Variants in AHCYL2 observed in about 807,000 individuals in gnomAD.
AHCYL2 encodes the protein S-adenosylhomocysteine hydrolase-like protein 2.
AHCYL2 carries 28 observed loss-of-function variants against 81.4 expected under a neutral mutation model. That is an observed-to-expected ratio of 0.34 (90% confidence interval 0.25 to 0.47). AHCYL2 has a LOEUF of 0.47. AHCYL2 is among the 20% of genes least tolerant of loss of function. AHCYL2 has a pLI of 1.00. For missense variants in AHCYL2, 551 were observed against 785.1 expected (o/e 0.70, Z 3.56); for synonymous variants, 272 against 290.2 (o/e 0.94, Z 0.64).
chr7:129,391,765 G>C (rs747588058), intron 4 of AHCYL2, among the ~76,000 whole-genome samples: 1 of 152,188 alleles, frequency 6.6e-6, no homozygotes, highest in Non-Finnish European at 1.5e-5. Context: ...TCCTGATTAA[G>C]AACATTAGAG....
intron 1 of AHCYL2, among the ~76,000 whole-genome samples, chr7:129,253,310 T>C (rs962489988): frequency 2.0e-5 from 3 of 152,136 alleles, no homozygotes; most frequent in Admixed American, 6.5e-5. Context: ...CTTAGGAAGA[T>C]TGGGACCTTG....
At chr7:129,340,840 A>T (rs1793153548) in intron 1 of AHCYL2, among the ~76,000 whole-genome samples, 1 of 151,744 alleles carries the variant, frequency 6.6e-6, no homozygotes, top group Non-Finnish European at 1.5e-5. Context: ...ATGTTTAATC[A>T]CTCTTGAATA....
chr7:129,424,532 A>C (rs1461009868), intron 13 of AHCYL2, among the ~76,000 whole-genome samples: 2 of 152,230 alleles, frequency 1.3e-5, no homozygotes, highest in African/African-American at 4.8e-5. Context: ...CTTTAAAAGA[A>C]ATGCCGATCC....
intron 1 of AHCYL2, among the ~76,000 whole-genome samples, chr7:129,286,291 C>T (rs71577849): frequency 0.025 from 3,752 of 152,082 alleles, 77 homozygotes; most frequent in Admixed American, 0.058. Context: ...TGCTCTGTTG[C>T]CCAGGCTGGA....
intron 1 of AHCYL2, among the ~76,000 whole-genome samples, chr7:129,255,919 G>T (rs541115064): frequency 6.6e-6 from 1 of 151,972 alleles, no homozygotes; most frequent in East Asian, 1.9e-4. Context: ...AGCTGAGATT[G>T]CACCATTACA....
At position 129,303,093 on chromosome 7, in the gene AHCYL2, G is replaced by A. The variant is rs150857400; in HGVS notation, c.364-76545G>A. 1.2e-3 allele frequency among the ~76,000 whole-genome samples: 177 copies of A among 152,162 alleles called. 1 individual carries two copies. The East Asian group carries it at 0.028, about 24-fold the overall frequency. ...TTGGCTCACCGCAACCTCTGCCTCC[G>A]GGGTTCAAGTAATTCCCCTGCTTCA... On this transcript the variant is annotated intron_variant, in intron 1 of 16. Coordinates refer to ENST00000325006, the MANE Select transcript of AHCYL2 (RefSeq NM_015328.4).
rs61542827 is a variant in AHCYL2 at position 129,308,165 on chromosome 7, C to T, written c.364-71473C>T. On this transcript the variant is annotated intron_variant, in intron 1 of 16. Transcript: ENST00000325006. ...AAGCCCAGCACAGCACTAGGACTTG[C>T]CCAGGAGTTGTAGTCCTAGTGGCCT... Among the ~76,000 whole-genome samples, 6 of 152,204 alleles carry T rather than the reference C, an allele frequency of 3.9e-5. No homozygotes were observed. The East Asian group carries it at 1.2e-3, about 29-fold the overall frequency.
At chr7:129,235,976 C>G (rs1015118637) in intron 1 of AHCYL2, among the ~76,000 whole-genome samples, 1 of 148,378 alleles carries the variant, frequency 6.7e-6, no homozygotes. Context: ...AAGTGTTTCT[C>G]TAGGATCAAT....
intron 1 of AHCYL2, among the ~76,000 whole-genome samples, chr7:129,230,484 G>A (rs2566875): frequency 0.94 from 142,948 of 152,174 alleles, 67,776 homozygotes; most frequent in East Asian, 1. Context: ...AAGGTTACAC[G>A]GTAATGTGAT....
intron 1 of AHCYL2, among the ~76,000 whole-genome samples, chr7:129,276,479 A>G (rs545169294): frequency 2.0e-5 from 3 of 151,888 alleles, no homozygotes; most frequent in African/African-American, 4.8e-5. Flanking sequence ...GGCTGGGCAC[A>G]GTGGCTCATG....
chr7:129,422,332 C>T (rs1419998304), intron 12 of AHCYL2, among the ~76,000 whole-genome samples: 2 of 152,192 alleles, frequency 1.3e-5, no homozygotes, highest in Non-Finnish European at 2.9e-5. Flanking sequence ...GAACCTTGGG[C>T]CCCAGCATGC....
intron 3 of AHCYL2, 56 bp from the exon 4 acceptor site, chr7:129,389,578 C>T: frequency 7.1e-7 from 1 of 1,412,802 alleles, no homozygotes; most frequent in Admixed American, 2.1e-5. Context: ...TCTGTTTGTT[C>T]TTTTATCTCT....
chr7:129,340,564 T>C (rs1793142459), intron 1 of AHCYL2, among the ~76,000 whole-genome samples: 1 of 145,258 alleles, frequency 6.9e-6, no homozygotes, highest in South Asian at 2.2e-4. Context: ...CGAGACTCCG[T>C]CTCAAAAAAA....
chr7:129,293,520 AC>A (rs1424957610), intron 1 of AHCYL2, among the ~76,000 whole-genome samples: 1 of 152,046 alleles, frequency 6.6e-6, no homozygotes. Context: ...TACAAAAAAT[AC>A]AAAAAAATTA....
At chr7:129,415,297 C>T (rs568874205) in intron 12 of AHCYL2, among the ~76,000 whole-genome samples, 2 of 152,254 alleles carry the variant, frequency 1.3e-5, no homozygotes, top group African/African-American at 4.8e-5. Flanking sequence ...ATGCCCTGGG[C>T]CCTAATGGGA....
At chr7:129,230,993 C>A (rs1408462728) in intron 1 of AHCYL2, among the ~76,000 whole-genome samples, 1 of 152,002 alleles carries the variant, frequency 6.6e-6, no homozygotes, top group Non-Finnish European at 1.5e-5. Context: ...TCTGAGAAAG[C>A]AGCCTGAGGT....
intron 1 of AHCYL2, among the ~76,000 whole-genome samples, chr7:129,364,084 C>A (rs1043161883): frequency 1.3e-5 from 2 of 151,602 alleles, no homozygotes; most frequent in African/African-American, 2.4e-5. Flanking sequence ...ACAAAAAATT[C>A]AAAAATGTGC....
chr7:129,409,397 A>G, intron 10 of AHCYL2, 79 bp from the exon 11 acceptor site: 1 of 1,046,134 alleles, frequency 9.6e-7, no homozygotes, highest in South Asian at 1.4e-5. Flanking sequence ...CAGCAACTTG[A>G]TATTAGCTTT....
Position 129,412,524 on chromosome 7 carries a change from A to AC in AHCYL2, c.1367-1064dup, listed in dbSNP as rs201279108. Among the ~76,000 whole-genome samples, 911 of 150,250 alleles carry AC rather than the reference A, an allele frequency of 6.1e-3. 25 individuals carry two copies. The highest frequency in any genetic ancestry group is 0.052 in the Admixed American group (782 of 15,084). The stretch of plus-strand genomic sequence containing the variant: ...TCAAACTCCTGAGCTCAGGCAATCC[A>AC]CCCCCCTCAGCCTCCCGAAGTGTTA... On this transcript the variant is annotated intron_variant, in intron 11 of 16. Coordinates refer to ENST00000325006, the MANE Select transcript of AHCYL2 (RefSeq NM_015328.4).
Sources: allele counts gnomAD v4.1 joint callset (sites outside exome capture counted in the v4.1 genomes callset), GRCh38; gene constraint gnomAD v4.1.1; transcripts MANE v1.5; gene names NCBI Gene and HGNC (gene_info 2026-07-23, HGNC 2026-07-21).